The following DSN1 variants were observed in gnomAD, a reference collection of about 807,000 sequenced individuals.
DSN1 encodes the protein DSN1 component of MIS12 kinetochore complex.
A neutral mutation model predicts 45.7 loss-of-function variants in DSN1; 31 were observed. The observed-to-expected ratio is 0.68, with a 90% CI of 0.51 to 0.92. The LOEUF is 0.92. Ranked by LOEUF, DSN1 falls within the 40% of genes least tolerant of loss-of-function variation. DSN1 has a pLI of 0.00. For missense variants in DSN1, 394 were observed against 414.2 expected, an observed-to-expected ratio of 0.95 and a Z score of 0.42; for synonymous variants, 134 against 142.3, an observed-to-expected ratio of 0.94 and a Z score of 0.41.
At position 36,758,106 on chromosome 20, in the gene DSN1, C is replaced by T; in HGVS notation, c.706G>A (p.Ala236Thr). 6.2e-7 allele frequency: 1 copy of T among 1,614,006 alleles called. No homozygotes were observed. The highest frequency in any genetic ancestry group is 8.5e-7 in the Non-Finnish European group (1 of 1,179,944). ...TCTAACCTGGACAATATCTCTTTAG[C>T]CTCCTGCTGGTAGTGAAGCAAGAGC... ...DQLLLHYQQE[A>T]KEILSRGSTE... The change falls in exon 8 of 11, where the codon GCT becomes ACT. Residue 236 changes from alanine (A) to threonine (T), a missense_variant. Physicochemically the swap from Ala to Thr is moderately conservative, Grantham distance 58. Coordinates refer to ENST00000373750, the MANE Select transcript of DSN1 (RefSeq NM_001145315.2).
chr20:36,770,029 A>G (rs1338826173), intron 3 of DSN1, among the ~76,000 whole-genome samples: 1 of 125,928 alleles, frequency 7.9e-6, no homozygotes, highest in African/African-American at 3.0e-5. Context: ...GGTGGGGTGC[A>G]GGGAGGGAGG....
rs139099989 is a variant in DSN1 at position 36,772,384 on chromosome 20, G to C, written c.-15-911C>G. Among the ~76,000 whole-genome samples, 591 of 151,672 alleles carry C rather than the reference G, an allele frequency of 3.9e-3. 7 individuals are homozygous for C. Among genetic ancestry groups the C allele is most frequent in the African/African-American group, 0.013 (544 of 41,326 alleles). ...GCTCACTGCAACTTTCACCTCCCAG[G>C]TTCAAGCAATTCTCCTGCCTCAGCT... On this transcript the variant is annotated intron_variant, in intron 1 of 10. Coordinates refer to ENST00000373750, the MANE Select transcript of DSN1 (RefSeq NM_001145315.2).
intron 10 of DSN1, among the ~76,000 whole-genome samples, chr20:36,754,146 G>A (rs1986539879): frequency 6.6e-6 from 1 of 152,126 alleles, no homozygotes; most frequent in Non-Finnish European, 1.5e-5. Context: ...TGGACAAACA[G>A]GGGGACCCCA....
intron 5 of DSN1, among the ~76,000 whole-genome samples, chr20:36,766,055 G>A (rs916481590): frequency 6.6e-6 from 1 of 151,132 alleles, no homozygotes; most frequent in Non-Finnish European, 1.5e-5. Flanking sequence ...TTAGCTGAGC[G>A]TGGTGGTGGG....
chr20:36,752,915 CA>C lies in DSN1; in HGVS notation c.962-19del. 1 of 1,577,748 alleles carries C rather than the reference CA, an allele frequency of 6.3e-7. No individual in the cohort carries two copies. Among genetic ancestry groups the C allele is most frequent in the Non-Finnish European group, 8.7e-7 (1 of 1,150,402 alleles). On this transcript the variant is annotated intron_variant, in intron 10 of 10. Transcript: ENST00000373750. Reference sequence around the variant, plus strand: ...TCTCTTTCCTGCAGAGAAAAGAGGCCAAAAAATAAATTTCAATTGAAATAAC... The same window carrying C: ...TCTCTTTCCTGCAGAGAAAAGAGGCCAAAAATAAATTTCAATTGAAATAAC...
intron 1 of DSN1, among the ~76,000 whole-genome samples, chr20:36,771,935 C>T (rs886090371): frequency 6.6e-6 from 1 of 152,200 alleles, no homozygotes; most frequent in Non-Finnish European, 1.5e-5. Context: ...GGCTGGAGTA[C>T]AGTAGCACAA....
intron 3 of DSN1, among the ~76,000 whole-genome samples, chr20:36,769,930 CACACACACACAGAGAGAGAG>C (rs1987545954): frequency 7.7e-6 from 1 of 129,298 alleles, no homozygotes; most frequent in African/African-American, 2.9e-5. Flanking sequence ...CACACACACA[CACACACACACAGAGAGAGAG>C]AGACAGAGAG....
chr20:36,771,066 G>A lies in DSN1; in HGVS notation c.162C>T (p.His54=), dbSNP rs368968865. 1.5e-5 allele frequency: 24 copies of A among 1,614,082 alleles called. No homozygotes were observed. Among genetic ancestry groups the A allele is most frequent in the Non-Finnish European group, 1.9e-5 (23 of 1,180,046 alleles). ...CCCCTTTTTTAGGGCTAGAGCCAAG[G>A]TGAATTCTTTCCTCTGAAACGCCTT... is the stretch of plus-strand genomic sequence containing the variant. ...MNQGVSEERI[H]LGSSPKKGGN... The change falls in exon 3 of 11, where the codon CAC becomes CAT. Residue 54 remains histidine (H), a synonymous_variant. Transcript: ENST00000373750.
intron 3 of DSN1, among the ~76,000 whole-genome samples, chr20:36,769,902 TAC>T (rs66970744): frequency 0.33 from 38,353 of 116,888 alleles, 6,287 homozygotes; most frequent in Middle Eastern, 0.39. Context: ...TCACTGTAGA[TAC>T]ACACACACAC....
At chr20:36,754,535 T>C (rs180703363) in intron 10 of DSN1, among the ~76,000 whole-genome samples, 1 of 152,218 alleles carries the variant, frequency 6.6e-6, no homozygotes, top group East Asian at 1.9e-4. Flanking sequence ...CAACAACATA[T>C]TTCATGGGGA....
At chr20:36,771,496 G>T in intron 1 of DSN1, 23 bp from the exon 2 acceptor site, 3 of 1,611,280 alleles carry the variant, frequency 1.9e-6, no homozygotes, top group South Asian at 1.1e-5. Context: ...AAATGGAAGT[G>T]ATCTGTTCTT....
chr20:36,752,097 C>T lies in DSN1; in HGVS notation c.*691G>A, dbSNP rs1359041803. On this transcript the variant is annotated 3_prime_UTR_variant, in exon 11 of 11. Coordinates refer to ENST00000373750, the MANE Select transcript of DSN1 (RefSeq NM_001145315.2). ...TAAGACAGTGTCTCACTCTGTCGCT[C>T]AGGCTGGAGTGCAGTGGCGCAATTA... is the stretch of plus-strand genomic sequence containing the variant. 1 of 152,016 alleles carries T rather than the reference C, an allele frequency of 6.6e-6. No homozygotes were observed. Among genetic ancestry groups the T allele is most frequent in the Non-Finnish European group, 1.5e-5 (1 of 68,022 alleles). 9.4% of individuals were successfully genotyped at this position (152,016 alleles called of 1,614,324 possible). A position where few individuals can be genotyped will look rare whatever the true frequency, so the allele number is the denominator to read the frequency against.
chr20:36,758,645 A>C (rs964339261), intron 6 of DSN1, 28 bp from the exon 7 acceptor site: 6 of 1,579,744 alleles, frequency 3.8e-6, no homozygotes, highest in Admixed American at 1.8e-5. Flanking sequence ...TTATGACATA[A>C]ATCTTTCAAG....
chr20:36,760,685 C>T (rs1568691816), intron 6 of DSN1, among the ~76,000 whole-genome samples: 1 of 152,062 alleles, frequency 6.6e-6, no homozygotes, highest in African/African-American at 2.4e-5. Context: ...GTTAGGAGTT[C>T]GAGACCAGTC....
intron 1 of DSN1, among the ~76,000 whole-genome samples, chr20:36,772,751 T>C (rs1353675831): frequency 1.3e-5 from 2 of 152,396 alleles, no homozygotes; most frequent in Admixed American, 6.5e-5. Context: ...GTTAAACTTA[T>C]TCATCCTTCC....
rs192160529 is a variant in DSN1, at chr20:36,764,530, C to A, written c.503-1982G>T. 1.7e-3 allele frequency among the ~76,000 whole-genome samples: 255 copies of A among 152,244 alleles called. 2 individuals carry two copies. Among genetic ancestry groups the A allele is most frequent in the Admixed American group, 4.8e-3 (73 of 15,254 alleles). On this transcript the variant is annotated intron_variant, in intron 5 of 10. Transcript: ENST00000373750. ...ATAGGTACTTCCTAGAAAGTTCAAT[C>A]ATTAGTATTTTATTTCACAGACAAC... is the stretch of plus-strand genomic sequence containing the variant.
At chr20:36,772,809 G>T (rs1401343746) in intron 1 of DSN1, among the ~76,000 whole-genome samples, 1 of 152,248 alleles carries the variant, frequency 6.6e-6, no homozygotes, top group East Asian at 1.9e-4. Flanking sequence ...CTTTGGCAGA[G>T]TTGGTGGTTA....
intron 3 of DSN1, among the ~76,000 whole-genome samples, chr20:36,770,147 C>A (rs1987568216): frequency 6.6e-6 from 1 of 152,090 alleles, no homozygotes; most frequent in Non-Finnish European, 1.5e-5. Flanking sequence ...TCACTGCCTT[C>A]TTGAATTCCT....
At chr20:36,755,009 CCA>C (rs977270764) in intron 9 of DSN1, among the ~76,000 whole-genome samples, 159 bp from the exon 10 acceptor site, 1 of 152,194 alleles carries the variant, frequency 6.6e-6, no homozygotes, top group Non-Finnish European at 1.5e-5. Context: ...CAAAGTCACA[CCA>C]CATTCTTCTC....
Sources: gnomAD v4.1 joint callset for allele counts (sites outside exome capture counted in the v4.1 genomes callset) on GRCh38, gnomAD v4.1.1 for gene constraint, MANE v1.5 for transcripts, NCBI Gene and HGNC (gene_info 2026-07-23, HGNC 2026-07-21) for gene names.